The following TAF4B variants were observed in gnomAD, a reference collection of about 807,000 sequenced individuals.
TAF4B encodes the protein transcription initiation factor TFIID subunit 4B.
TAF4B carries 38 observed loss-of-function variants against 86.4 expected under a neutral mutation model. The observed-to-expected ratio is 0.44, with a 90% CI of 0.34 to 0.58. The LOEUF is 0.58. Ranked by LOEUF, TAF4B falls within the 20% of genes least tolerant of loss-of-function variation. The probability of loss-of-function intolerance (pLI) is 0.02; values close to 1 mark genes in which losing one functional copy is unlikely to be tolerated. For synonymous variants in TAF4B, 388 were observed against 391.2 expected (o/e 0.99, Z 0.10); for missense variants, 988 against 1,027.6 (o/e 0.96, Z 0.53).
chr18:26,230,254 C>T (rs1377245597), intron 1 of TAF4B, among the ~76,000 whole-genome samples: 1 of 152,188 alleles, frequency 6.6e-6, no homozygotes, highest in African/African-American at 2.4e-5. Context: ...GCATGACAGT[C>T]ATACTGTACA....
At chr18:26,318,562 G>A (rs184924982) in intron 10 of TAF4B, among the ~76,000 whole-genome samples, 2 of 152,242 alleles carry the variant, frequency 1.3e-5, no homozygotes, top group Non-Finnish European at 2.9e-5. Flanking sequence ...TAAAATGCCA[G>A]TGTTCTTTTC....
Position 26,226,719 on chromosome 18 carries a change from G to A in TAF4B, c.-215G>A, listed in dbSNP as rs2055579888. ...TCGGGCGGGTGTCGCTCCGGGGGCA[G>A]CCCAGGCTCGCGCGGACGAGAGGAA... On this transcript the variant is annotated 5_prime_UTR_variant, in exon 1 of 15. Coordinates refer to ENST00000269142, the MANE Select transcript of TAF4B (RefSeq NM_005640.3). 1 of 426,768 alleles carries A rather than the reference G, an allele frequency of 2.3e-6. No individual in the cohort carries two copies. The highest frequency in any genetic ancestry group is 4.1e-6 in the Non-Finnish European group (1 of 246,324). The allele number at this position is 426,768 out of a possible 1,614,324, so 26.4% of individuals were successfully genotyped here.
chr18:26,292,215 A>T (rs1178042316), intron 7 of TAF4B, 31 bp from the exon 8 acceptor site: 2 of 1,602,132 alleles, frequency 1.2e-6, no homozygotes, highest in Non-Finnish European at 1.7e-6. Flanking sequence ...CTTAAGTTGA[A>T]CAACTATATT....
chr18:26,244,414 G>C (rs921977470), intron 1 of TAF4B, among the ~76,000 whole-genome samples: 2 of 152,234 alleles, frequency 1.3e-5, no homozygotes, highest in African/African-American at 4.8e-5. Flanking sequence ...TATTTGCTAA[G>C]ACCATTGGAA....
chr18:26,364,148 G>T (rs1382581366), intron 14 of TAF4B, among the ~76,000 whole-genome samples: 1 of 152,088 alleles, frequency 6.6e-6, no homozygotes, highest in Admixed American at 6.6e-5. Context: ...ATTTACACTT[G>T]ATATTCTCTG....
intron 5 of TAF4B, among the ~76,000 whole-genome samples, chr18:26,275,888 C>T (rs57838474): frequency 0.11 from 17,099 of 151,584 alleles, 988 homozygotes; most frequent in Middle Eastern, 0.14. Flanking sequence ...TGGTGGCGCA[C>T]GCCTGTAATC....
At chr18:26,285,210 C>CTTTTTTTTTTTTTTTTTTTTTTTTGT (rs113394710) in intron 6 of TAF4B, among the ~76,000 whole-genome samples, 1 of 42,516 alleles carries the variant, frequency 2.4e-5, no homozygotes, top group Non-Finnish European at 4.4e-5. Context: ...TCTTCCTTTC[C>CTTTTTTTTTTTTTTTTTTTTTTTTGT]TTTTTTTTTT....
At chr18:26,256,391 C>T in intron 1 of TAF4B, 1 of 1,216,074 alleles carries the variant, frequency 8.2e-7, no homozygotes, top group Non-Finnish European at 1.2e-6. Flanking sequence ...CCAAAAGCAG[C>T]CGTTCCACGC....
At chr18:26,256,571 CT>C (rs1370867070) in intron 1 of TAF4B, among the ~76,000 whole-genome samples, 1 of 151,894 alleles carries the variant, frequency 6.6e-6, no homozygotes, top group Non-Finnish European at 1.5e-5. Flanking sequence ...TTTTGCTCTT[CT>C]TTTTCCAGTG....
At chr18:26,289,172 T>C (rs957474318) in intron 7 of TAF4B, among the ~76,000 whole-genome samples, 3 of 20,266 alleles carry the variant, frequency 1.5e-4, no homozygotes, top group Non-Finnish European at 1.0e-3. Flanking sequence ...AAAATTAATA[T>C]TACTCGTTTG....
intron 14 of TAF4B, among the ~76,000 whole-genome samples, chr18:26,369,614 C>T (rs540853989): frequency 2.4e-4 from 37 of 152,212 alleles, no homozygotes; most frequent in Non-Finnish European, 4.4e-4. Flanking sequence ...AGCTCAAAGG[C>T]GTTGCTGGCA....
chr18:26,346,861 GTATATATATA>G (rs1173384806), intron 13 of TAF4B, among the ~76,000 whole-genome samples: 193 of 17,752 alleles, frequency 0.011, 27 homozygotes, highest in African/African-American at 0.017. Context: ...ATATATATGT[GTATATATATA>G]TATGTGTATA....
intron 14 of TAF4B, among the ~76,000 whole-genome samples, chr18:26,378,318 G>A (rs2057456542): frequency 6.6e-6 from 1 of 152,136 alleles, no homozygotes; most frequent in Non-Finnish European, 1.5e-5. Context: ...ATAAAATTGA[G>A]TTACCATACT....
At chr18:26,349,952 A>G (rs2057231161) in intron 13 of TAF4B, among the ~76,000 whole-genome samples, 1 of 152,226 alleles carries the variant, frequency 6.6e-6, no homozygotes, top group South Asian at 2.1e-4. Context: ...CCAGGAACAT[A>G]TACCAGGGAA....
chr18:26,376,442 A>G (rs1394181140), intron 14 of TAF4B, among the ~76,000 whole-genome samples: 2 of 151,924 alleles, frequency 1.3e-5, no homozygotes, highest in Non-Finnish European at 2.9e-5. Context: ...GCTGTTGTAC[A>G]TAGCATTGGT....
At chr18:26,241,238 A>G (rs2055833946) in intron 1 of TAF4B, among the ~76,000 whole-genome samples, 5 of 152,294 alleles carry the variant, frequency 3.3e-5, no homozygotes, top group South Asian at 2.1e-4. Context: ...TTGGTAGGCT[A>G]TTAATTATTG....
At chr18:26,246,271 T>C (rs2055922544) in intron 1 of TAF4B, among the ~76,000 whole-genome samples, 1 of 152,198 alleles carries the variant, frequency 6.6e-6, no homozygotes, top group Non-Finnish European at 1.5e-5. Context: ...ACTGAATGAC[T>C]ATGTCTAAGA....
intron 1 of TAF4B, among the ~76,000 whole-genome samples, chr18:26,259,154 C>G (rs954747344): frequency 1.3e-5 from 2 of 150,562 alleles, no homozygotes; most frequent in Non-Finnish European, 2.9e-5. Flanking sequence ...GGGAAGCTTT[C>G]AGCTGTTATT....
intron 14 of TAF4B, among the ~76,000 whole-genome samples, chr18:26,378,526 A>G (rs2057457920): frequency 6.6e-6 from 1 of 152,180 alleles, no homozygotes; most frequent in African/African-American, 2.4e-5. Context: ...GGAAGTCTTC[A>G]GGAAGGGTTG....
Sources: gnomAD v4.1 joint callset for allele counts (sites outside exome capture counted in the v4.1 genomes callset) on GRCh38, gnomAD v4.1.1 for gene constraint, MANE v1.5 for transcripts, NCBI Gene and HGNC (gene_info 2026-07-23, HGNC 2026-07-21) for gene names.